Variants in SLC38A4 observed in about 807,000 individuals in gnomAD.
The protein encoded by SLC38A4 is sodium-coupled neutral amino acid transporter 4.
SLC38A4 carries 20 observed loss-of-function variants against 63.1 expected under a neutral mutation model. The observed-to-expected ratio is 0.32, with a 90% confidence interval of 0.22 to 0.46. The LOEUF (loss-of-function observed/expected upper bound fraction) is 0.46. SLC38A4 is among the 20% of genes least tolerant of loss of function. The pLI, the probability that SLC38A4 is intolerant of heterozygous loss-of-function variation, is 1.00. For synonymous variants in SLC38A4, 230 were observed against 225.5 expected (o/e 1.02, Z -0.18); for missense variants, 526 against 663.6 (o/e 0.79, Z 2.28).
intron 1 of SLC38A4, among the ~76,000 whole-genome samples, chr12:46,818,270 C>G (rs1305673019): frequency 6.6e-6 from 1 of 151,896 alleles, no homozygotes; most frequent in Non-Finnish European, 1.5e-5. Context: ...TTCTGCCACA[C>G]TAGAGTCTTA....
intron 1 of SLC38A4, among the ~76,000 whole-genome samples, chr12:46,810,067 A>G (rs1444475795): frequency 2.0e-5 from 3 of 152,028 alleles, no homozygotes; most frequent in East Asian, 3.9e-4. Flanking sequence ...GGGTCCTGCT[A>G]TATATTAAAA....
At chr12:46,829,329 G>A (rs922630309), upstream of SLC38A4, among the ~76,000 whole-genome samples, 1 of 151,932 alleles carries the variant, frequency 6.6e-6, no homozygotes, top group South Asian at 2.1e-4. Flanking sequence ...ATTGATAGGT[G>A]GAAGCACATT....
chr12:46,814,391 C>T (rs1467776590), intron 1 of SLC38A4, among the ~76,000 whole-genome samples: 6 of 151,930 alleles, frequency 3.9e-5, no homozygotes. Flanking sequence ...TGAACAGCCC[C>T]ATGGTACATA....
At chr12:46,807,898 C>CTT (rs1491492811) in intron 1 of SLC38A4, among the ~76,000 whole-genome samples, 1 of 149,964 alleles carries the variant, frequency 6.7e-6, no homozygotes, top group Non-Finnish European at 1.5e-5. Context: ...TACCCCCCCC[C>CTT]CCAAAGCCAC....
At chr12:46,816,304 T>G (rs1939440995) in intron 1 of SLC38A4, among the ~76,000 whole-genome samples, 1 of 151,902 alleles carries the variant, frequency 6.6e-6, no homozygotes, top group Admixed American at 6.6e-5. Context: ...AATATTTGGA[T>G]GCATAATATT....
chr12:46,829,564 G>A (rs1035427340), upstream of SLC38A4, among the ~76,000 whole-genome samples: 4 of 152,148 alleles, frequency 2.6e-5, no homozygotes, highest in Non-Finnish European at 5.9e-5. Flanking sequence ...AGTGTACTGT[G>A]ATTGTCCTCA....
chr12:46,806,840 G>T lies in SLC38A4; in HGVS notation c.-304-3046C>A, dbSNP rs929772181. On this transcript the variant is annotated intron_variant, in intron 1 of 16. Transcript: ENST00000266579. ...ATCTATTGAAAATACAAGAATGTTG[G>T]CTCAAAATACAGTGATTCAGATTAT... Among the ~76,000 whole-genome samples, 12 of 151,856 alleles carry T rather than the reference G, an allele frequency of 7.9e-5. 1 individual carries two copies. The highest frequency in any genetic ancestry group is 7.9e-4 in the Admixed American group (12 of 15,232).
At chr12:46,777,821 A>G (rs1938561588) in intron 12 of SLC38A4, among the ~76,000 whole-genome samples, 1 of 152,036 alleles carries the variant, frequency 6.6e-6, no homozygotes, top group Admixed American at 6.6e-5. Context: ...AAATAAGACA[A>G]CAAAGGACAG....
chr12:46,792,695 C>T (rs1022575698), intron 3 of SLC38A4, among the ~76,000 whole-genome samples: 3 of 151,916 alleles, frequency 2.0e-5, no homozygotes, highest in African/African-American at 7.3e-5. Flanking sequence ...ATAAGAGGAG[C>T]AATAGGCTAA....
At chr12:46,817,653 A>G (rs774427308) in intron 1 of SLC38A4, among the ~76,000 whole-genome samples, 5 of 151,818 alleles carry the variant, frequency 3.3e-5, no homozygotes, top group Non-Finnish European at 7.4e-5. Context: ...CTTTGGACAA[A>G]AGGATCTCCT....
Position 46,792,953 on chromosome 12 carries a change from C to T in SLC38A4, c.119G>A (p.Ser40Asn). ...IGNSEKAAMS[S>N]QFANEDTESQ... Reference sequence around the variant, plus strand: ...AACATAGTAATTTTTAACCCCATACCTGCTCATTGCTGCCTTTTCTGAATT... The same window carrying T: ...AACATAGTAATTTTTAACCCCATACTTGCTCATTGCTGCCTTTTCTGAATT... Residue 40 changes from serine to asparagine, a missense_variant and splice_region_variant, in exon 3 of 17, where the codon AGT (serine) becomes AAT (asparagine). Ser to Asn is a conservative substitution (Grantham distance 46). Coordinates refer to ENST00000266579, the MANE Select transcript of SLC38A4 (RefSeq NM_018018.5). 6.2e-7 allele frequency: 1 copy of T among 1,608,956 alleles called. No homozygotes were observed. The highest frequency in any genetic ancestry group is 8.5e-7 in the Non-Finnish European group (1 of 1,175,640).
chr12:46,775,237 C>A (rs569229537), intron 13 of SLC38A4, 64 bp from the exon 14 acceptor site: 20 of 1,559,412 alleles, frequency 1.3e-5, no homozygotes, highest in Non-Finnish European at 1.7e-5. Context: ...TCACTTATGG[C>A]AACATTTTAT....
At chr12:46,766,879 A>C in intron 16 of SLC38A4, 77 bp from the exon 17 acceptor site, 1 of 941,844 alleles carries the variant, frequency 1.1e-6, no homozygotes, top group Admixed American at 2.1e-5. Flanking sequence ...TTTACATAAT[A>C]TGGCAATCTG....
intron 1 of SLC38A4, among the ~76,000 whole-genome samples, chr12:46,806,408 G>A (rs1939232964): frequency 6.6e-6 from 1 of 151,872 alleles, no homozygotes; most frequent in Non-Finnish European, 1.5e-5. Context: ...TAGTAAAAAT[G>A]TAGGAGAGAT....
intron 1 of SLC38A4, among the ~76,000 whole-genome samples, chr12:46,815,910 T>C (rs1391519784): frequency 2.0e-5 from 3 of 151,850 alleles, no homozygotes; most frequent in Non-Finnish European, 4.4e-5. Context: ...CCTTGTCTTG[T>C]GTTAACTTGT....
At chr12:46,824,843 T>G (rs1217180519) in intron 1 of SLC38A4, among the ~76,000 whole-genome samples, 1 of 151,664 alleles carries the variant, frequency 6.6e-6, no homozygotes, top group East Asian at 1.9e-4. Context: ...AGGCCTATAG[T>G]GGGTCAGATT....
chr12:46,824,422 T>G (rs559657701), intron 1 of SLC38A4: 2 of 152,298 alleles, frequency 1.3e-5, no homozygotes, highest in African/African-American at 4.8e-5. Flanking sequence ...AATAAAAATA[T>G]TCACATTTCG....
rs947714139 is a variant in SLC38A4, at chr12:46,766,548, C to G, written c.*153G>C. The G allele has an allele frequency of 2.8e-6, 2 of 702,906 alleles. No individual in the cohort carries two copies. Among genetic ancestry groups the G allele is most frequent in the Non-Finnish European group, 5.2e-6 (2 of 386,282 alleles). 43.5% of individuals were successfully genotyped at this position (702,906 alleles called of 1,614,324 possible). ...CCTTGACAAAAACAGTGATTTTCCT[C>G]TTCTGCAGGTGCCTGGTGATATTAC... On this transcript the variant is annotated 3_prime_UTR_variant, in exon 17 of 17. Coordinates refer to ENST00000266579, the MANE Select transcript of SLC38A4 (RefSeq NM_018018.5).
intron 1 of SLC38A4, among the ~76,000 whole-genome samples, chr12:46,808,231 GC>G (rs1317404636): frequency 5.3e-5 from 8 of 151,896 alleles, no homozygotes; most frequent in South Asian, 4.1e-4. Context: ...TTCAGCCCAG[GC>G]CCCTGGGAGA....
Sources: gnomAD v4.1 joint callset for allele counts (sites outside exome capture counted in the v4.1 genomes callset) on GRCh38, gnomAD v4.1.1 for gene constraint, MANE v1.5 for transcripts, NCBI Gene and HGNC (gene_info 2026-07-23, HGNC 2026-07-21) for gene names.